NBEA: variants seen among roughly 807,000 people sequenced by gnomAD.
The protein encoded by NBEA is neurobeachin.
In NBEA, 44 loss-of-function variants were observed where a neutral mutation model predicts 343.4. The ratio of observed to expected loss-of-function variants is 0.13; its 90% CI spans 0.10 to 0.16. NBEA has a LOEUF of 0.16. NBEA is among the 10% of genes least tolerant of loss of function. NBEA has a pLI of 1.00. For synonymous variants in NBEA, 1,175 were observed against 1,238.7 expected (o/e 0.95, Z 1.08); for missense variants, 2,555 against 3,631.3 (o/e 0.70, Z 7.62).
At chr13:35,260,425 G>A (rs1466434662) in intron 34 of NBEA, among the ~76,000 whole-genome samples, 3 of 152,156 alleles carry the variant, frequency 2.0e-5, no homozygotes, top group Non-Finnish European at 4.4e-5. Flanking sequence ...TGAACAGTAG[G>A]CCTCAGATAA....
intron 1 of NBEA, among the ~76,000 whole-genome samples, chr13:35,002,059 A>G (rs1431573782): frequency 6.6e-6 from 1 of 152,194 alleles, no homozygotes; most frequent in Non-Finnish European, 1.5e-5. Context: ...TAAAGGAAAG[A>G]TAAACTATGG....
At chr13:35,046,949 G>A (rs539037653) in intron 4 of NBEA, among the ~76,000 whole-genome samples, 1 of 151,950 alleles carries the variant, frequency 6.6e-6, no homozygotes, top group Non-Finnish European at 1.5e-5. Context: ...TGATGTTTCT[G>A]TTCACATCTT....
chr13:35,080,590 CT>C (rs1482892714), intron 10 of NBEA, among the ~76,000 whole-genome samples: 3 of 152,072 alleles, frequency 2.0e-5, no homozygotes, highest in African/African-American at 7.2e-5. Flanking sequence ...GGCATATAAC[CT>C]TTGGGGCGGT....
At chr13:35,421,124 A>G (rs1023155533) in intron 38 of NBEA, among the ~76,000 whole-genome samples, 5 of 151,928 alleles carry the variant, frequency 3.3e-5, no homozygotes, top group East Asian at 1.9e-4. Flanking sequence ...ATTTAGTACT[A>G]TAGATTACCC....
chr13:35,363,810 T>A (rs890182679), intron 38 of NBEA, among the ~76,000 whole-genome samples: 1 of 151,962 alleles, frequency 6.6e-6, no homozygotes, highest in African/African-American at 2.4e-5. Context: ...ATGTTCTAGC[T>A]AAATGATTAA....
At chr13:35,012,461 C>T (rs1245525013) in intron 1 of NBEA, among the ~76,000 whole-genome samples, 2 of 152,166 alleles carry the variant, frequency 1.3e-5, no homozygotes, top group African/African-American at 4.8e-5. Flanking sequence ...TTTGTGGGAA[C>T]ACATTCAAGC....
chr13:35,386,805 G>T (rs1448464449), intron 38 of NBEA, among the ~76,000 whole-genome samples: 1 of 152,068 alleles, frequency 6.6e-6, no homozygotes, highest in Non-Finnish European at 1.5e-5. Flanking sequence ...AAATGTGGCT[G>T]CCCTAAGCTT....
At position 35,184,038 on chromosome 13, in the gene NBEA, C is replaced by T. The variant is rs750159869; in HGVS notation, c.4894C>T (p.Pro1632Ser). Residue 1632 changes from proline (P) to serine (S), a missense_variant, in exon 30 of 59, where the codon CCT (proline) becomes TCT (serine). This residue lies in a region of NBEA where 270 missense variants were observed against 293.3 expected (regional missense o/e 0.92). Transcript: ENST00000379939. Reference protein sequence around the residue: ...LNHGFLAKLIPEQSFGHSFYK... With the variant: ...LNHGFLAKLISEQSFGHSFYK... ...CCATGGATTCCTTGCCAAGTTAATTCCTGAGCAGAGCTTTGGCCACTCATT... is the reference window on the plus strand; with the variant it reads ...CCATGGATTCCTTGCCAAGTTAATTTCTGAGCAGAGCTTTGGCCACTCATT... 72 of 1,611,640 alleles carry T rather than the reference C, an allele frequency of 4.5e-5. No individual in the cohort carries two copies. The highest frequency in any genetic ancestry group is 5.9e-5 in the Non-Finnish European group (69 of 1,178,542).
intron 41 of NBEA, among the ~76,000 whole-genome samples, chr13:35,514,175 G>A (rs1367951886): frequency 6.6e-6 from 1 of 151,822 alleles, no homozygotes; most frequent in South Asian, 2.1e-4. Flanking sequence ...GTGGAAAGTT[G>A]GGAAGACTGC....
intron 18 of NBEA, among the ~76,000 whole-genome samples, chr13:35,143,749 A>G (rs1030743214): frequency 3.9e-5 from 6 of 152,112 alleles, no homozygotes; most frequent in Non-Finnish European, 7.4e-5. Flanking sequence ...TTAACCTGTA[A>G]TCTCAGCTAC....
chr13:35,483,071 T>C (rs2076180981), intron 41 of NBEA, among the ~76,000 whole-genome samples: 1 of 151,948 alleles, frequency 6.6e-6, no homozygotes, highest in South Asian at 2.1e-4. Flanking sequence ...ACAGGCAAAG[T>C]GTAAAATAAT....
chr13:35,120,211 T>C (rs1417412662), intron 16 of NBEA, among the ~76,000 whole-genome samples: 1 of 152,162 alleles, frequency 6.6e-6, no homozygotes, highest in Non-Finnish European at 1.5e-5. Context: ...GATCCTACAA[T>C]TGAGAGTGCT....
intron 29 of NBEA, among the ~76,000 whole-genome samples, chr13:35,183,297 T>A (rs1474594410): frequency 6.6e-6 from 1 of 152,084 alleles, no homozygotes; most frequent in Non-Finnish European, 1.5e-5. Context: ...GAAACCTTGA[T>A]AACCTAATGG....
chr13:35,211,047 G>A lies in NBEA; in HGVS notation c.5522-6G>A. 9.0e-6 allele frequency: 14 copies of A among 1,547,390 alleles called. No homozygotes were observed. Among genetic ancestry groups the A allele is most frequent in the Non-Finnish European group, 1.0e-5 (12 of 1,145,620 alleles). ...TTAAGGCTAAAAATTATTATTTTGGGAACAGGTGCCGTGGATTCAGGGTCC... is the reference window on the plus strand; with the variant it reads ...TTAAGGCTAAAAATTATTATTTTGGAAACAGGTGCCGTGGATTCAGGGTCC... On this transcript the variant is annotated splice_polypyrimidine_tract_variant and splice_region_variant and intron_variant, in intron 32 of 58. Transcript: ENST00000379939.
intron 17 of NBEA, among the ~76,000 whole-genome samples, chr13:35,136,304 TTCTTTAGG>T (rs2067724933): frequency 6.6e-6 from 1 of 152,204 alleles, no homozygotes; most frequent in Admixed American, 6.5e-5. Context: ...CTGGTTTTTC[TTCTTTAGG>T]ACTTTTGGTG....
At chr13:35,127,846 C>T (rs559854676) in intron 17 of NBEA, among the ~76,000 whole-genome samples, 84 of 151,222 alleles carry the variant, frequency 5.6e-4, no homozygotes, top group African/African-American at 2.0e-3. Context: ...TTGAAAAATC[C>T]GTAAAGATCA....
chr13:35,185,325 C>T (rs1466995477), intron 30 of NBEA: 1 of 142,832 alleles, frequency 7.0e-6, no homozygotes, highest in African/African-American at 2.6e-5. Flanking sequence ...TCAGTGTATT[C>T]CATAACTGCC....
At chr13:35,157,623 T>A (rs117690110) in intron 21 of NBEA, among the ~76,000 whole-genome samples, 1 of 152,110 alleles carries the variant, frequency 6.6e-6, no homozygotes, top group Non-Finnish European at 1.5e-5. Flanking sequence ...GACTTTTTTT[T>A]AAGAAGTCAG....
intron 45 of NBEA, among the ~76,000 whole-genome samples, chr13:35,576,759 CCCA>C (rs1465578703): frequency 2.6e-5 from 4 of 152,136 alleles, no homozygotes; most frequent in African/African-American, 9.6e-5. Flanking sequence ...ACCAATTTTC[CCCA>C]CAAGAAATTT....
Sources: gnomAD v4.1 joint callset for allele counts (sites outside exome capture counted in the v4.1 genomes callset) on GRCh38, gnomAD v4.1.1 for gene constraint, gnomAD v4.1.1 regional missense constraint, MANE v1.5 for transcripts, NCBI Gene and HGNC (gene_info 2026-07-23, HGNC 2026-07-21) for gene names.